The following ITPR1 variants were observed in gnomAD, a reference collection of about 807,000 sequenced individuals.
ITPR1 encodes inositol 1,4,5-trisphosphate-gated calcium channel ITPR1.
ITPR1 carries 96 observed loss-of-function variants against 318.4 expected under a neutral mutation model. The ratio of observed to expected loss-of-function variants is 0.30; its 90% CI spans 0.26 to 0.36. The LOEUF is 0.36. Ranked by LOEUF, ITPR1 falls within the 10% of genes least tolerant of loss-of-function variation. The pLI, the probability that ITPR1 is intolerant of heterozygous loss-of-function variation, is 1.00. For synonymous variants in ITPR1, 1,312 were observed against 1,289.9 expected, an observed-to-expected ratio of 1.02 and a Z score of -0.37; for missense variants, 2,440 against 3,460.2, an observed-to-expected ratio of 0.71 and a Z score of 7.40.
intron 4 of ITPR1, among the ~76,000 whole-genome samples, chr3:4,598,580 C>G (rs2091032177): frequency 2.0e-5 from 3 of 152,022 alleles, no homozygotes; most frequent in Non-Finnish European, 2.9e-5. Context: ...CATGATCACA[C>G]CACTGCACTT....
Position 4,652,229 on chromosome 3 carries a change from G to A in ITPR1, c.951+11G>A, listed in dbSNP as rs1223236392. 3.1e-5 allele frequency: 50 copies of A among 1,595,530 alleles called. No individual in the cohort carries two copies. The Admixed American group carries it at 8.5e-4, about 27-fold the overall frequency. On this transcript the variant is annotated intron_variant, in intron 11 of 61. Transcript: ENST00000649015. ...TACTTGGCAGCAGAGGTAAGTAGCA[G>A]CTCCTGTGGTTTTCTCTTTCAAGGC...
chr3:4,525,922 T>C (rs2082943789), intron 4 of ITPR1, among the ~76,000 whole-genome samples: 1 of 152,194 alleles, frequency 6.6e-6, no homozygotes, highest in Non-Finnish European at 1.5e-5. Flanking sequence ...CAGTCTTCAT[T>C]TTGCTCCCAG....
intron 51 of ITPR1, among the ~76,000 whole-genome samples, chr3:4,785,259 C>T (rs1319588727): frequency 6.6e-6 from 1 of 152,190 alleles, no homozygotes; most frequent in Non-Finnish European, 1.5e-5. Flanking sequence ...CCTGATCTGT[C>T]TGGTCCCTGA....
At chr3:4,622,155 C>A (rs2092662586) in intron 4 of ITPR1, among the ~76,000 whole-genome samples, 2 of 139,294 alleles carry the variant, frequency 1.4e-5, no homozygotes, top group South Asian at 4.7e-4. Flanking sequence ...TGTTCCGTTG[C>A]CCAGGCTGGA....
chr3:4,593,149 T>C (rs1212241370), intron 4 of ITPR1, among the ~76,000 whole-genome samples: 1 of 152,192 alleles, frequency 6.6e-6, no homozygotes, highest in Non-Finnish European at 1.5e-5. Flanking sequence ...CACGATGCGG[T>C]GTGGGGTTGA....
chr3:4,630,347 A>G (rs1388531385), intron 5 of ITPR1, among the ~76,000 whole-genome samples: 2 of 152,044 alleles, frequency 1.3e-5, no homozygotes, highest in Non-Finnish European at 2.9e-5. Context: ...CTCAAGTGCC[A>G]TAATCCCAAA....
In ITPR1 at chr3:4,775,124, C is replaced by T. The variant is rs114168276; in HGVS notation, c.5980-118C>T. The T allele has an allele frequency of 2.4e-3, 1,835 of 775,678 alleles. 31 individuals are homozygous for T. The African/African-American group carries it at 0.028, about 12-fold the overall frequency. 48.0% of individuals were successfully genotyped at this position (775,678 alleles called of 1,614,324 possible). A position where few individuals can be genotyped will look rare whatever the true frequency, so the allele number is the denominator to read the frequency against. ...ATACTGACTCTTCCATGCTCTCCCA[C>T]GTGGCATCTCTCTGTATAATTACCA... On this transcript the variant is annotated intron_variant, in intron 46 of 61. Coordinates refer to ENST00000649015, the MANE Select transcript of ITPR1 (RefSeq NM_001378452.1).
At chr3:4,587,995 C>T (rs185071804) in intron 4 of ITPR1, among the ~76,000 whole-genome samples, 1 of 152,140 alleles carries the variant, frequency 6.6e-6, no homozygotes, top group African/African-American at 2.4e-5. Flanking sequence ...CAAGCCTGCT[C>T]TGTTAAGACT....
chr3:4,722,753 T>TGC (rs2042254152), intron 40 of ITPR1, among the ~76,000 whole-genome samples: 3 of 151,948 alleles, frequency 2.0e-5, no homozygotes, highest in Non-Finnish European at 2.9e-5. Context: ...GCCTGGCCCA[T>TGC]GGGTTGGATT....
chr3:4,499,357 A>T (rs2080847485), intron 2 of ITPR1, among the ~76,000 whole-genome samples: 1 of 152,212 alleles, frequency 6.6e-6, no homozygotes, highest in Admixed American at 6.5e-5. Flanking sequence ...CTCATTTGGT[A>T]AATTACCTTT....
chr3:4,646,970 A>T (rs2093472227), intron 10 of ITPR1, among the ~76,000 whole-genome samples: 1 of 152,094 alleles, frequency 6.6e-6, no homozygotes, highest in South Asian at 2.1e-4. Context: ...AGAGTATACA[A>T]CTCAATGAAT....
intron 60 of ITPR1, 40 bp from the exon 61 acceptor site, chr3:4,836,734 T>C: frequency 1.6e-6 from 2 of 1,281,622 alleles, no homozygotes; most frequent in Non-Finnish European, 2.0e-6. Flanking sequence ...AGTGACTCAG[T>C]CTTTTTTTTT....
At chr3:4,553,633 T>C (rs1228808495) in intron 4 of ITPR1, among the ~76,000 whole-genome samples, 1 of 145,416 alleles carries the variant, frequency 6.9e-6, no homozygotes, top group Non-Finnish European at 1.5e-5. Context: ...AGAGTCTCCT[T>C]CTTGTCGCCC....
intron 54 of ITPR1, among the ~76,000 whole-genome samples, chr3:4,803,718 C>T (rs1249827539): frequency 6.6e-6 from 1 of 152,176 alleles, no homozygotes; most frequent in Non-Finnish European, 1.5e-5. Context: ...TTCTTTTCTT[C>T]TCTGGCCTTC....
chr3:4,715,344 A>G (rs1278710247), intron 39 of ITPR1, among the ~76,000 whole-genome samples: 1 of 152,244 alleles, frequency 6.6e-6, no homozygotes, highest in African/African-American at 2.4e-5. Flanking sequence ...TAAATGTATC[A>G]AAACTTAAAC....
intron 4 of ITPR1, among the ~76,000 whole-genome samples, chr3:4,536,827 T>A (rs1048860483): frequency 1.1e-4 from 16 of 152,252 alleles, no homozygotes; most frequent in Admixed American, 1.3e-4. Flanking sequence ...TGAATATGGA[T>A]AATTGAGTTG....
chr3:4,520,731 C>T (rs764435706), intron 3 of ITPR1, among the ~76,000 whole-genome samples: 3 of 152,216 alleles, frequency 2.0e-5, no homozygotes, highest in Non-Finnish European at 4.4e-5. Flanking sequence ...CTTGCTGTGT[C>T]TCGCGACTTC....
chr3:4,619,651 CT>C lies in ITPR1; in HGVS notation c.164-8111del, dbSNP rs1318281427. Among the ~76,000 whole-genome samples the C allele has an allele frequency of 4.8e-3, 24 of 4,980 alleles. 3 individuals are homozygous for C. Among genetic ancestry groups the C allele is most frequent in the East Asian group, 0.029 (2 of 68 alleles). The allele number at this position is 4,980 out of a possible 152,430, so 3.3% of individuals were successfully genotyped here. A position where few individuals can be genotyped will look rare whatever the true frequency, so the allele number is the denominator to read the frequency against. On this transcript the variant is annotated intron_variant, in intron 4 of 61. Transcript: ENST00000649015. Reference sequence around the variant, plus strand: ...CTCTGCTCTCCCCTGCTCTCCTCTGCTCTCCCCTGCTCTCCTCTGCTCTCCC... The same window carrying C: ...CTCTGCTCTCCCCTGCTCTCCTCTGCCTCCCCTGCTCTCCTCTGCTCTCCC...
intron 4 of ITPR1, among the ~76,000 whole-genome samples, chr3:4,559,520 A>G (rs2086467788): frequency 6.6e-6 from 1 of 152,202 alleles, no homozygotes; most frequent in Non-Finnish European, 1.5e-5. Context: ...ACCTTTACAT[A>G]TCAGTTATTC....
Sources: allele counts gnomAD v4.1 joint callset (sites outside exome capture counted in the v4.1 genomes callset), GRCh38; gene constraint gnomAD v4.1.1; transcripts MANE v1.5; gene names NCBI Gene and HGNC (gene_info 2026-07-23, HGNC 2026-07-21).